Variants in TLN2 observed in about 807,000 individuals in gnomAD.
TLN2 encodes talin-2.
In TLN2, 118 loss-of-function variants were observed where a neutral mutation model predicts 294.7. That is an observed-to-expected ratio of 0.40 (90% CI 0.34 to 0.47). The LOEUF is 0.47. Ranked by LOEUF, TLN2 falls within the 20% of genes least tolerant of loss-of-function variation. The pLI, the probability that TLN2 is intolerant of heterozygous loss-of-function variation, is 0.84. For synonymous variants in TLN2, 1,431 were observed against 1,304.5 expected, an observed-to-expected ratio of 1.10 and a Z score of -2.09; for missense variants, 3,083 against 3,282.2, an observed-to-expected ratio of 0.94 and a Z score of 1.48.
intron 52 of TLN2, among the ~76,000 whole-genome samples, chr15:62,819,240 T>G (rs188509255): frequency 6.6e-6 from 1 of 152,178 alleles, no homozygotes; most frequent in African/African-American, 2.4e-5. Context: ...AAGGTCCAAA[T>G]AGAAAACAAG....
intron 9 of TLN2, among the ~76,000 whole-genome samples, chr15:62,663,774 G>A (rs2054193024): frequency 6.6e-6 from 1 of 151,936 alleles, no homozygotes; most frequent in Admixed American, 6.5e-5. Flanking sequence ...GAGCATAAAA[G>A]GAAGTCTGAG....
In TLN2 at chr15:62,719,026, A is replaced by G. The variant is rs76966922; in HGVS notation, c.2878-741A>G. ...TAGAAAAATATGTCATCAGGCCAGT[A>G]TGCACTGGGCACCTTTATCCACAAC... On this transcript the variant is annotated intron_variant, in intron 24 of 58. Transcript: ENST00000636159. 4.7e-3 allele frequency among the ~76,000 whole-genome samples: 714 copies of G among 152,340 alleles called. 4 individuals are homozygous for G. The highest frequency in any genetic ancestry group is 0.014 in the Middle Eastern group (4 of 294).
At chr15:62,522,974 ACACACTCT>A (rs2040543092) in intron 1 of TLN2, among the ~76,000 whole-genome samples, 1 of 142,426 alleles carries the variant, frequency 7.0e-6, no homozygotes, top group African/African-American at 2.7e-5. Context: ...ACACACACAC[ACACACTCT>A]CTCACTCACA....
At chr15:62,466,171 C>G (rs2037124598) in intron 1 of TLN2, among the ~76,000 whole-genome samples, 1 of 152,180 alleles carries the variant, frequency 6.6e-6, no homozygotes. Context: ...AATGGTTGAA[C>G]TCAGTCTAGG....
chr15:62,814,743 C>T (rs886521452), intron 52 of TLN2, among the ~76,000 whole-genome samples: 2 of 152,194 alleles, frequency 1.3e-5, no homozygotes, highest in Non-Finnish European at 2.9e-5. Flanking sequence ...GAAACCCTCA[C>T]AACAGTATTC....
At chr15:62,823,468 G>A (rs2067757126) in intron 54 of TLN2, among the ~76,000 whole-genome samples, 1 of 152,080 alleles carries the variant, frequency 6.6e-6, no homozygotes, top group Non-Finnish European at 1.5e-5. Context: ...GTAAACAATT[G>A]CTTATTACAT....
intron 3 of TLN2, chr15:62,637,296 A>G (rs2050473878): frequency 6.6e-6 from 1 of 152,210 alleles, no homozygotes; most frequent in Non-Finnish European, 1.5e-5. Flanking sequence ...AAGTTAATGT[A>G]TAAAAGAATT....
chr15:62,552,289 A>G (rs923552900), intron 1 of TLN2, among the ~76,000 whole-genome samples: 2 of 152,222 alleles, frequency 1.3e-5, no homozygotes, highest in Non-Finnish European at 2.9e-5. Flanking sequence ...TGTTTTGACT[A>G]TTAAATACAT....
intron 11 of TLN2, among the ~76,000 whole-genome samples, chr15:62,676,488 C>T (rs1009061433): frequency 1.3e-5 from 2 of 152,148 alleles, no homozygotes; most frequent in Non-Finnish European, 2.9e-5. Flanking sequence ...GCACTGGTGC[C>T]ATCTAGGTAA....
At chr15:62,412,584 C>A (rs1333786570) in intron 1 of TLN2, among the ~76,000 whole-genome samples, 1 of 152,084 alleles carries the variant, frequency 6.6e-6, no homozygotes, top group African/African-American at 2.4e-5. Flanking sequence ...TCTTCCTGTC[C>A]CTGGGTAAAG....
chr15:62,607,546 G>A (rs1474563003), intron 2 of TLN2, among the ~76,000 whole-genome samples: 2 of 152,274 alleles, frequency 1.3e-5, no homozygotes, highest in Non-Finnish European at 2.9e-5. Flanking sequence ...GTATCATAAT[G>A]GAGTTTAGAG....
rs929486063 is a variant in TLN2, at chr15:62,653,164, A to C, written c.367A>C (p.Ile123Leu). ...ATAACCTAATTTCCAATGTTTAGGA[A>C]TAACAAATTATGAAGAATACTCCTT... The part of the protein sequence containing the change: ...LLVTICSRIG[I>L]TNYEEYSLIQ... The change falls in exon 7 of 59, where the codon ATA becomes CTA. Residue 123 changes from isoleucine to leucine, a missense_variant and splice_region_variant. Coordinates refer to ENST00000636159, the MANE Select transcript of TLN2 (RefSeq NM_015059.3). 1.3e-6 allele frequency: 2 copies of C among 1,559,668 alleles called. No homozygotes were observed. The highest frequency in any genetic ancestry group is 1.4e-5 in the African/African-American group (1 of 72,608).
At position 62,762,258 on chromosome 15, in the gene TLN2, C is replaced by T; in HGVS notation, c.4780-14C>T. On this transcript the variant is annotated splice_polypyrimidine_tract_variant and intron_variant, in intron 38 of 58. Transcript: ENST00000636159. ...TTCGACCCTGACTTTGATTTCTCTG[C>T]TGTTTGGTCTCAGGGTTCCCAGGCA... 1.2e-6 allele frequency: 2 copies of T among 1,613,876 alleles called. No individual in the cohort carries two copies. The highest frequency in any genetic ancestry group is 1.7e-6 in the Non-Finnish European group (2 of 1,179,798).
chr15:62,565,546 G>A (rs535298833), intron 1 of TLN2, among the ~76,000 whole-genome samples: 91 of 152,300 alleles, frequency 6.0e-4, no homozygotes, highest in African/African-American at 2.1e-3. Context: ...CCTGGCAACA[G>A]TTGGACCCTT....
intron 52 of TLN2, among the ~76,000 whole-genome samples, chr15:62,813,323 T>C (rs933896967): frequency 6.6e-6 from 1 of 152,340 alleles, no homozygotes; most frequent in East Asian, 1.9e-4. Flanking sequence ...ACAATTATTG[T>C]CATTGTAGTT....
chr15:62,796,278 C>T lies in TLN2; in HGVS notation c.6035C>T (p.Thr2012Ile). 1 of 1,613,744 alleles carries T rather than the reference C, an allele frequency of 6.2e-7. No individual in the cohort carries two copies. Among genetic ancestry groups the T allele is most frequent in the Non-Finnish European group, 8.5e-7 (1 of 1,179,794 alleles). The stretch of plus-strand genomic sequence containing the variant: ...ACGCTGAATGCAGAGAACAGTGAGA[C>T]CTTCGCAGACCACAGGTACGTGGGG... ...AGTLNAENSETFADHRENILK... is the reference protein window; with the variant it reads ...AGTLNAENSEIFADHRENILK... The change falls in exon 47 of 59, where the codon ACC (threonine) becomes ATC (isoleucine). Residue 2012 changes from threonine to isoleucine, a missense_variant. Transcript: ENST00000636159.
At chr15:62,819,449 G>A (rs2067377937) in intron 52 of TLN2, 67 bp from the exon 53 acceptor site, 3 of 1,312,728 alleles carry the variant, frequency 2.3e-6, no homozygotes, top group Non-Finnish European at 3.3e-6. Context: ...AGCAAGAGGA[G>A]TGTGCTTCTT....
intron 40 of TLN2, among the ~76,000 whole-genome samples, chr15:62,765,728 A>G (rs937092614): frequency 5.3e-5 from 8 of 152,244 alleles, no homozygotes; most frequent in Non-Finnish European, 7.3e-5. Flanking sequence ...TGAAGAGATT[A>G]AACCATCTCT....
intron 1 of TLN2, among the ~76,000 whole-genome samples, chr15:62,535,687 AT>A (rs1454879984): frequency 6.6e-6 from 1 of 151,482 alleles, no homozygotes; most frequent in East Asian, 1.9e-4. Flanking sequence ...ACTGGAGTAG[AT>A]GGGATTATGG....
Sources: allele counts gnomAD v4.1 joint callset (sites outside exome capture counted in the v4.1 genomes callset), GRCh38; gene constraint gnomAD v4.1.1; transcripts MANE v1.5; gene names NCBI Gene and HGNC (gene_info 2026-07-23, HGNC 2026-07-21).